The following MDGA2 variants were observed in gnomAD, a reference collection of about 807,000 sequenced individuals.
MDGA2 encodes MAM domain-containing glycosylphosphatidylinositol anchor protein 2.
Under a neutral mutation model 117.8 loss-of-function variants are expected in MDGA2, and 40 were observed. The ratio of observed to expected loss-of-function variants is 0.34; its 90% CI spans 0.26 to 0.44. MDGA2 has a LOEUF of 0.44. Among genes scored for constraint, MDGA2 ranks in the 20% least tolerant of loss-of-function variants. The pLI is 1.00. For missense variants in MDGA2, 1,123 were observed against 1,250.6 expected (o/e 0.90, Z 1.54); for synonymous variants, 452 against 439.0 (o/e 1.03, Z -0.37).
At chr14:47,141,858 C>T (rs892545488) in intron 4 of MDGA2, among the ~76,000 whole-genome samples, 4 of 151,996 alleles carry the variant, frequency 2.6e-5, no homozygotes, top group African/African-American at 9.7e-5. Flanking sequence ...TACAGCTAGA[C>T]GAGAATGTTC....
intron 1 of MDGA2, among the ~76,000 whole-genome samples, chr14:47,617,026 C>T (rs961382836): frequency 8.5e-5 from 13 of 152,070 alleles, no homozygotes; most frequent in African/African-American, 2.2e-4. Flanking sequence ...TATGTTCTAC[C>T]GGACAGCAAT....
chr14:47,391,903 A>G (rs1891903636), intron 1 of MDGA2, among the ~76,000 whole-genome samples: 1 of 152,164 alleles, frequency 6.6e-6, no homozygotes, highest in Non-Finnish European at 1.5e-5. Flanking sequence ...GTTATTTTAA[A>G]CTGACACCTC....
intron 1 of MDGA2, among the ~76,000 whole-genome samples, chr14:47,395,226 C>A (rs1033258587): frequency 2.0e-5 from 3 of 152,030 alleles, no homozygotes; most frequent in Admixed American, 2.0e-4. Flanking sequence ...AATATCACAC[C>A]TAAACAAATT....
intron 1 of MDGA2, among the ~76,000 whole-genome samples, chr14:47,669,777 T>C (rs1898041622): frequency 6.6e-6 from 1 of 152,120 alleles, no homozygotes; most frequent in Admixed American, 6.5e-5. Flanking sequence ...AATCTCTTCC[T>C]CTTTTCCTAC....
intron 9 of MDGA2, among the ~76,000 whole-genome samples, chr14:46,952,819 T>C (rs1421984794): frequency 6.6e-6 from 1 of 151,940 alleles, no homozygotes; most frequent in Non-Finnish European, 1.5e-5. Context: ...GAATAACTGG[T>C]AGAACTGAAA....
intron 1 of MDGA2, among the ~76,000 whole-genome samples, chr14:47,662,331 T>C (rs991472298): frequency 1.6e-4 from 25 of 152,146 alleles, no homozygotes; most frequent in Non-Finnish European, 2.5e-4. Flanking sequence ...GTATTTTTTA[T>C]AGTATACATG....
chr14:47,053,955 G>A (rs1456297679), intron 7 of MDGA2, among the ~76,000 whole-genome samples: 2 of 151,846 alleles, frequency 1.3e-5, no homozygotes, highest in African/African-American at 4.8e-5. Flanking sequence ...GTCAGACCAA[G>A]GTCATAAAGC....
rs139332484 is a variant in MDGA2, at chr14:47,201,490, A to C, written c.595+16531T>G. Among the ~76,000 whole-genome samples, 625 of 152,192 alleles carry C rather than the reference A, an allele frequency of 4.1e-3. 4 individuals are homozygous for C. The highest frequency in any genetic ancestry group is 0.014 in the African/African-American group (588 of 41,516). ...CCTGGTGCACCTACTCATCAACCTG[A>C]CTGAAACCTTAGTGCTGTTTCACAA... On this transcript the variant is annotated intron_variant, in intron 3 of 16. Transcript: ENST00000399232.
At chr14:47,172,704 C>T (rs538569702) in intron 3 of MDGA2, among the ~76,000 whole-genome samples, 6 of 151,998 alleles carry the variant, frequency 3.9e-5, no homozygotes, top group Non-Finnish European at 5.9e-5. Context: ...GGGGAAAAAA[C>T]AGAGCAGAAA....
chr14:47,094,974 T>G (rs757410037), intron 6 of MDGA2, among the ~76,000 whole-genome samples: 4 of 152,072 alleles, frequency 2.6e-5, no homozygotes, highest in South Asian at 2.1e-4. Flanking sequence ...CCATTGTGAA[T>G]TCTTTGTTTT....
At chr14:47,040,810 T>C (rs1024717597) in intron 7 of MDGA2, among the ~76,000 whole-genome samples, 3 of 152,220 alleles carry the variant, frequency 2.0e-5, no homozygotes, top group Non-Finnish European at 4.4e-5. Context: ...TTGTCCTGTA[T>C]TTTCTTCTAT....
At chr14:47,342,282 A>ATATATATATATATATATATAT (rs1566746810) in intron 1 of MDGA2, among the ~76,000 whole-genome samples, 1 of 138,676 alleles carries the variant, frequency 7.2e-6, no homozygotes, top group Non-Finnish European at 1.6e-5. Flanking sequence ...ATATATATAT[A>ATATATATATATATATATATAT]AAATATGTTA....
chr14:47,083,901 C>CT (rs1379322829), intron 6 of MDGA2, among the ~76,000 whole-genome samples: 4 of 151,192 alleles, frequency 2.6e-5, no homozygotes, highest in Non-Finnish European at 5.9e-5. Flanking sequence ...TACCCTTCCC[C>CT]CTCCAAAAAA....
chr14:47,282,332 T>G (rs1888520316), intron 2 of MDGA2, among the ~76,000 whole-genome samples: 1 of 152,222 alleles, frequency 6.6e-6, no homozygotes, highest in Non-Finnish European at 1.5e-5. Flanking sequence ...AATAAATAGT[T>G]GACCTGAAGA....
At chr14:47,339,696 A>C (rs2139940952) in intron 1 of MDGA2, among the ~76,000 whole-genome samples, 1 of 152,254 alleles carries the variant, frequency 6.6e-6, no homozygotes, top group Non-Finnish European at 1.5e-5. Context: ...ACCAGAGGCA[A>C]TTGCTGGCAC....
chr14:47,663,819 G>A (rs1459882684), intron 1 of MDGA2, among the ~76,000 whole-genome samples: 2 of 151,940 alleles, frequency 1.3e-5, no homozygotes, highest in South Asian at 2.1e-4. Flanking sequence ...ATATCCCTAG[G>A]TTATTTTTTC....
chr14:47,647,852 T>C (rs920211156), intron 1 of MDGA2, among the ~76,000 whole-genome samples: 14 of 152,134 alleles, frequency 9.2e-5, no homozygotes, highest in Admixed American at 2.0e-4. Context: ...AAAATTATTG[T>C]TATAACTTAT....
chr14:47,519,097 G>A (rs1046971522), intron 1 of MDGA2, among the ~76,000 whole-genome samples: 1 of 151,962 alleles, frequency 6.6e-6, no homozygotes, highest in Non-Finnish European at 1.5e-5. Flanking sequence ...CCAGCTACTT[G>A]GGAGGCTGAG....
chr14:47,073,711 G>A (rs1890379258), intron 6 of MDGA2, among the ~76,000 whole-genome samples: 1 of 152,166 alleles, frequency 6.6e-6, no homozygotes, highest in Admixed American at 6.5e-5. Flanking sequence ...AGAATTCGGG[G>A]ATAAAAGGAA....
Sources: allele counts gnomAD v4.1 joint callset (sites outside exome capture counted in the v4.1 genomes callset), GRCh38; gene constraint gnomAD v4.1.1; transcripts MANE v1.5; gene names NCBI Gene and HGNC (gene_info 2026-07-23, HGNC 2026-07-21).